GLMN: variants seen among roughly 807,000 people sequenced by gnomAD.
GLMN encodes the protein glomulin, FKBP associated protein.
A neutral mutation model predicts 87.8 loss-of-function variants in GLMN; 75 were observed. That is an observed-to-expected ratio of 0.85 (90% confidence interval 0.71 to 1.04). GLMN has a LOEUF of 1.04. Among genes scored for constraint, GLMN ranks in the 50% least tolerant of loss-of-function variants. The probability of loss-of-function intolerance (pLI) is 0.00; values close to 1 mark genes in which losing one functional copy is unlikely to be tolerated. For missense variants in GLMN, 588 were observed against 658.8 expected, an observed-to-expected ratio of 0.89 and a Z score of 1.18; for synonymous variants, 206 against 221.6, an observed-to-expected ratio of 0.93 and a Z score of 0.63.
At chr1:92,267,243 C>T (rs886352572) in intron 11 of GLMN, among the ~76,000 whole-genome samples, 2 of 152,062 alleles carry the variant, frequency 1.3e-5, no homozygotes, top group African/African-American at 4.8e-5. Context: ...AGATGGAGTC[C>T]TGAGAACTTG....
At chr1:92,263,046 T>A (rs1010110473) in intron 15 of GLMN, 120 bp from the exon 16 acceptor site, 1 of 546,050 alleles carries the variant, frequency 1.8e-6, no homozygotes, top group African/African-American at 1.9e-5. Context: ...ACTATTTCCA[T>A]TAATATCTTT....
At chr1:92,289,222 A>C in intron 5 of GLMN, 71 bp from the exon 6 acceptor site, 1 of 851,942 alleles carries the variant, frequency 1.2e-6, no homozygotes, top group Non-Finnish European at 2.0e-6. Context: ...CAAATGTGGA[A>C]TTATAAGACA....
chr1:92,345,911 C>A, the GLMN span: 1 of 1,593,918 alleles, frequency 6.3e-7, no homozygotes, highest in Non-Finnish European at 8.6e-7. Context: ...GTGTTGCTGT[C>A]ATTGTAAGTA....
At chr1:92,254,085 A>G (rs1653904163) in intron 16 of GLMN, among the ~76,000 whole-genome samples, 1 of 152,254 alleles carries the variant, frequency 6.6e-6, no homozygotes, top group South Asian at 2.1e-4. Flanking sequence ...GACCTGATGG[A>G]GCTGAAAAAC....
chr1:92,283,274 A>C (rs1050373995), intron 7 of GLMN, among the ~76,000 whole-genome samples: 6 of 152,172 alleles, frequency 3.9e-5, no homozygotes, highest in African/African-American at 1.2e-4. Context: ...ATGCGCCACA[A>C]TCAAGTCGGC....
At chr1:92,268,948 T>C (rs1375591715) in intron 9 of GLMN, among the ~76,000 whole-genome samples, 2 of 151,700 alleles carry the variant, frequency 1.3e-5, no homozygotes, top group African/African-American at 4.8e-5. Context: ...CGACAGGGTC[T>C]TACTCTGTTG....
At chr1:92,281,299 GT>G (rs1269433371) in intron 7 of GLMN, among the ~76,000 whole-genome samples, 1 of 152,196 alleles carries the variant, frequency 6.6e-6, no homozygotes, top group African/African-American at 2.4e-5. Flanking sequence ...CCAGAAGAGA[GT>G]GGGGGCCAAA....
chr1:92,267,717 AT>A (rs575105318), intron 11 of GLMN, among the ~76,000 whole-genome samples, 195 bp downstream of exon 11: 16 of 148,348 alleles, frequency 1.1e-4, no homozygotes, highest in African/African-American at 3.2e-4. Context: ...AAAAAAAAAA[AT>A]AGTTCCTTAG....
the GLMN span, among the ~76,000 whole-genome samples, chr1:92,353,874 A>G: frequency 2.0e-5 from 3 of 152,212 alleles, no homozygotes; most frequent in African/African-American, 7.2e-5. Flanking sequence ...AAGAAATAAT[A>G]CTTGTTCAAA....
the GLMN span, among the ~76,000 whole-genome samples, chr1:92,328,976 A>C: frequency 1.3e-5 from 2 of 152,208 alleles, no homozygotes; most frequent in Non-Finnish European, 2.9e-5. Context: ...GAGTGTCTGC[A>C]AAGGGTCCTG....
At chr1:92,277,345 T>C (rs1647405233) in intron 7 of GLMN, among the ~76,000 whole-genome samples, 1 of 152,222 alleles carries the variant, frequency 6.6e-6, no homozygotes, top group African/African-American at 2.4e-5. Context: ...AGATTTAACA[T>C]CTGTGATACT....
At chr1:92,305,980 G>A in the GLMN span, among the ~76,000 whole-genome samples, 1 of 152,106 alleles carries the variant, frequency 6.6e-6, no homozygotes, top group Non-Finnish European at 1.5e-5. Flanking sequence ...CAGCATGTAT[G>A]TATAAAAATG....
chr1:92,368,673 T>C, the GLMN span, among the ~76,000 whole-genome samples: 2 of 152,214 alleles, frequency 1.3e-5, no homozygotes, highest in Non-Finnish European at 2.9e-5. Flanking sequence ...TGCCCAAACT[T>C]GGAAACTCTT....
chr1:92,269,740 A>T lies in GLMN; in HGVS notation c.960T>A (p.Ile320=). ...GATCTTACCTTTGCAAAAAGACTTC[A>T]ATGTGCCCCATATTAAACTGCAAAA... ...LYLLQFNMGH[I]EVFLQRTEES... The change falls in exon 9 of 19, where the codon ATT becomes ATA. Residue 320 remains isoleucine, a synonymous_variant. Transcript: ENST00000370360. The T allele has an allele frequency of 6.2e-7, 1 of 1,608,974 alleles. No homozygotes were observed. The highest frequency in any genetic ancestry group is 1.1e-5 in the South Asian group (1 of 90,980).
the GLMN span, among the ~76,000 whole-genome samples, chr1:92,327,148 T>G: frequency 1.3e-5 from 2 of 152,228 alleles, no homozygotes; most frequent in Non-Finnish European, 2.9e-5. Flanking sequence ...ATATCAAATA[T>G]TCTCTCAGAC....
At chr1:92,348,755 T>C in the GLMN span, among the ~76,000 whole-genome samples, 15 of 152,204 alleles carry the variant, frequency 9.9e-5, no homozygotes, top group African/African-American at 3.6e-4. Flanking sequence ...TTAAAATACA[T>C]ATTCATCATG....
chr1:92,327,202 C>G, the GLMN span, among the ~76,000 whole-genome samples: 1 of 152,112 alleles, frequency 6.6e-6, no homozygotes, highest in African/African-American at 2.4e-5. Flanking sequence ...CATTGTTGAC[C>G]TAGTGATCAT....
chr1:92,248,260 T>G, intron 16 of GLMN: 1 of 318,258 alleles, frequency 3.1e-6, no homozygotes, highest in Admixed American at 4.7e-5. Context: ...TATGAGAAAA[T>G]TATTTGAGGA....
At chr1:92,261,610 TTGATATGGG>T (rs1235714201) in intron 16 of GLMN, among the ~76,000 whole-genome samples, 1 of 152,222 alleles carries the variant, frequency 6.6e-6, no homozygotes. Context: ...ATGTTCTATA[TTGATATGGG>T]TTTGAGTAAT....
Sources: gnomAD v4.1 joint callset for allele counts (sites outside exome capture counted in the v4.1 genomes callset) on GRCh38, gnomAD v4.1.1 for gene constraint, MANE v1.5 for transcripts, NCBI Gene and HGNC (gene_info 2026-07-23, HGNC 2026-07-21) for gene names.